GOLGA3: variants seen among roughly 807,000 people sequenced by gnomAD.
The protein encoded by GOLGA3 is golgin A3, also known as golgin subfamily A member 3.
In GOLGA3, 75 loss-of-function variants were observed where a neutral mutation model predicts 169.4. The observed-to-expected ratio is 0.44, with a 90% CI of 0.37 to 0.54. The LOEUF (loss-of-function observed/expected upper bound fraction) is 0.54, where lower values mean the gene tolerates loss of function less well. Among genes scored for constraint, GOLGA3 ranks in the 20% least tolerant of loss-of-function variants. The pLI is 0.00. For missense variants in GOLGA3, 1,899 were observed against 1,930.0 expected (o/e 0.98, Z 0.30); for synonymous variants, 824 against 822.4 (o/e 1.00, Z -0.03).
At chr12:132,789,951 T>A (rs529474454) in intron 12 of GOLGA3, among the ~76,000 whole-genome samples, 72 of 152,138 alleles carry the variant, frequency 4.7e-4, no homozygotes, top group African/African-American at 1.5e-3. Context: ...GAGAATCATT[T>A]GAACCTGGCA....
Position 132,786,401 on chromosome 12 carries a change from C to G in GOLGA3, c.3061G>C (p.Asp1021His), listed in dbSNP as rs1330596008. 2.5e-6 allele frequency: 4 copies of G among 1,612,784 alleles called. No homozygotes were observed. The highest frequency in any genetic ancestry group is 3.4e-6 in the Non-Finnish European group (4 of 1,179,538). The change falls in exon 15 of 24, where the codon GAC becomes CAC. Residue 1021 changes from aspartate (D) to histidine (H), a missense_variant. Transcript: ENST00000450791. The stretch of plus-strand genomic sequence containing the variant: ...GCTCGGAGCTGGCCCAGCTCCGCGT[C>G]CGCAGCCTCCTTGGCCGCGAGGGCC... The part of the protein sequence containing the change: ...QEALAAKEAA[D>H]AELGQLRAQG...
chr12:132,792,116 C>T (rs995475632), intron 11 of GOLGA3, among the ~76,000 whole-genome samples: 2 of 152,214 alleles, frequency 1.3e-5, no homozygotes, highest in Admixed American at 1.3e-4. Context: ...ACACTGATGG[C>T]TCCAGGAGGG....
intron 17 of GOLGA3, among the ~76,000 whole-genome samples, chr12:132,781,724 T>C (rs2045617575): frequency 1.3e-5 from 2 of 152,098 alleles, no homozygotes; most frequent in Non-Finnish European, 2.9e-5. Flanking sequence ...CCCCAGGATT[T>C]CCCTGAAATG....
rs370345372 is a variant in GOLGA3, at chr12:132,774,141, C to T, written c.4307+16G>A. The T allele has an allele frequency of 2.4e-5, 38 of 1,560,868 alleles. No homozygotes were observed. In the South Asian group the frequency reaches 2.7e-4, roughly 11 times the overall value. ...CTTTAAGACTAGCTGAAGTGCAGCACGGAATACGGTCGTACTTGAGCTGCT... is the reference window on the plus strand; with the variant it reads ...CTTTAAGACTAGCTGAAGTGCAGCATGGAATACGGTCGTACTTGAGCTGCT... On this transcript the variant is annotated intron_variant, in intron 23 of 23. Coordinates refer to ENST00000450791, the MANE Select transcript of GOLGA3 (RefSeq NM_001389683.1).
chr12:132,816,734 G>A lies in GOLGA3; in HGVS notation c.212C>T (p.Pro71Leu). 1 of 1,613,928 alleles carries A rather than the reference G, an allele frequency of 6.2e-7. No individual in the cohort carries two copies. The highest frequency in any genetic ancestry group is 2.2e-5 in the East Asian group (1 of 44,878). Reference sequence around the variant, plus strand: ...CGGAGGGTCTGGGAAGGGTGGCGTTGGCCCGTTCTGACAGAGGCCTCCCTG... The same window carrying A: ...CGGAGGGTCTGGGAAGGGTGGCGTTAGCCCGTTCTGACAGAGGCCTCCCTG... ...PGQGGLCQNGPTPPFPDPPSS... is the reference protein window; with the variant it reads ...PGQGGLCQNGLTPPFPDPPSS... The change falls in exon 3 of 24, where the codon CCA becomes CTA. Residue 71 changes from proline (P) to leucine (L), a missense_variant. Coordinates refer to ENST00000450791, the MANE Select transcript of GOLGA3 (RefSeq NM_001389683.1).
intron 9 of GOLGA3, among the ~76,000 whole-genome samples, chr12:132,797,914 C>A (rs1224499983): frequency 1.3e-5 from 2 of 152,222 alleles, no homozygotes; most frequent in East Asian, 1.9e-4. Flanking sequence ...AAAATCCTCT[C>A]ATCCCTAGGC....
intron 18 of GOLGA3, among the ~76,000 whole-genome samples, chr12:132,778,905 A>C (rs544964301): frequency 3.4e-4 from 52 of 151,130 alleles, no homozygotes; most frequent in Non-Finnish European, 6.4e-4. Flanking sequence ...AAAAAAAAAA[A>C]CCGAAAAAAA....
chr12:132,809,711 A>T (rs1308372633), intron 4 of GOLGA3, among the ~76,000 whole-genome samples: 1 of 152,030 alleles, frequency 6.6e-6, no homozygotes, highest in Admixed American at 6.5e-5. Flanking sequence ...AGCGAGGATT[A>T]TCATAATATT....
Position 132,772,108 on chromosome 12 carries a change from G to C in GOLGA3, c.*997C>G, listed in dbSNP as rs1281666555. ...TTCTGTGTAAGAATATTTGGCTTTA[G>C]AAGGTAAATAAAATAATTATATTTC... On this transcript the variant is annotated 3_prime_UTR_variant, in exon 24 of 24. Coordinates refer to ENST00000450791, the MANE Select transcript of GOLGA3 (RefSeq NM_001389683.1). The C allele has an allele frequency of 6.6e-6, 1 of 152,242 alleles. No homozygotes were observed. Among genetic ancestry groups the C allele is most frequent in the Non-Finnish European group, 1.5e-5 (1 of 68,040 alleles). 9.4% of individuals were successfully genotyped at this position (152,242 alleles called of 1,614,324 possible). A position where few individuals can be genotyped will look rare whatever the true frequency, so the allele number is the denominator to read the frequency against.
chr12:132,788,196 C>T (rs1192126222), intron 13 of GOLGA3, among the ~76,000 whole-genome samples: 3 of 152,166 alleles, frequency 2.0e-5, no homozygotes, highest in South Asian at 2.1e-4. Flanking sequence ...ATGATGGTGC[C>T]GGCCACACCG....
At position 132,821,954 on chromosome 12, in the gene GOLGA3, G is replaced by C. The variant is rs377306595; in HGVS notation, c.133+42C>G. 11 of 1,368,512 alleles carry C rather than the reference G, an allele frequency of 8.0e-6. No individual in the cohort carries two copies. In the African/African-American group the frequency reaches 9.0e-5, roughly 11 times the overall value. 84.8% of individuals were successfully genotyped at this position (1,368,512 alleles called of 1,614,324 possible). On this transcript the variant is annotated intron_variant, in intron 2 of 23. Coordinates refer to ENST00000450791, the MANE Select transcript of GOLGA3 (RefSeq NM_001389683.1). ...AACACCACGTCCTCCCTCAACACCA[G>C]GTCCTCCTGTGACCAGCACACAGAG...
chr12:132,774,593 G>C (rs2136242888), intron 22 of GOLGA3: 1 of 537,874 alleles, frequency 1.9e-6, no homozygotes, highest in Non-Finnish European at 3.3e-6. Flanking sequence ...CCGAGCCACA[G>C]ACTACAGCTC....
chr12:132,777,207 A>G lies in GOLGA3; in HGVS notation c.3723-117T>C, dbSNP rs1047184563. ...CGTCCTGGCAGGCCCTCTGCTGTGC[A>G]CTGCGTGCTGCAGCCATGCTTGGTG... On this transcript the variant is annotated intron_variant, in intron 19 of 23. Transcript: ENST00000450791. This position sits in a 1 kb window ranked among gnomAD's most constrained non-coding sequence, Gnocchi z 4.7. 1 of 1,113,402 alleles carries G rather than the reference A, an allele frequency of 9.0e-7. No individual in the cohort carries two copies. Among genetic ancestry groups the G allele is most frequent in the Admixed American group, 2.6e-5 (1 of 38,786 alleles). 69.0% of individuals were successfully genotyped at this position (1,113,402 alleles called of 1,614,324 possible). A position where few individuals can be genotyped will look rare whatever the true frequency, so the allele number is the denominator to read the frequency against.
intron 13 of GOLGA3, among the ~76,000 whole-genome samples, chr12:132,788,156 C>T (rs1488397788): frequency 2.0e-5 from 3 of 152,236 alleles, no homozygotes; most frequent in Middle Eastern, 3.4e-3. Flanking sequence ...CCGGCACCAG[C>T]GCTAATCCAT....
chr12:132,781,057 G>A, intron 17 of GOLGA3, 143 bp from the exon 18 acceptor site: 1 of 644,606 alleles, frequency 1.6e-6, no homozygotes. Flanking sequence ...AAGAATCTGT[G>A]ACAAAAACAG....
Position 132,796,207 on chromosome 12 carries a change from A to T in GOLGA3, c.2114T>A (p.Leu705Ter). 6.3e-7 allele frequency: 1 copy of T among 1,589,684 alleles called. No individual in the cohort carries two copies. Among genetic ancestry groups the T allele is most frequent in the Non-Finnish European group, 8.6e-7 (1 of 1,164,194 alleles). Reference protein sequence around the residue: ...EQQLEQVKLTLLQRDQQLEAL... With the variant: ...EQQLEQVKLT Reference sequence around the variant, plus strand: ...CTCAAGCTGCTGGTCTCGCTGGAGTAAAGTCAACTTCACCTGGAGAAGGAA... The same window carrying T: ...CTCAAGCTGCTGGTCTCGCTGGAGTTAAGTCAACTTCACCTGGAGAAGGAA... Residue 705 changes from leucine (L) to a stop codon, truncating the protein, a stop_gained, in exon 11 of 24, where the codon TTA becomes TAA. Coordinates refer to ENST00000450791, the MANE Select transcript of GOLGA3 (RefSeq NM_001389683.1). LOFTEE classifies it high-confidence loss of function.
rs560940021 is a variant in GOLGA3, at chr12:132,819,255, C to T, written c.134-2443G>A. On this transcript the variant is annotated intron_variant, in intron 2 of 23. Coordinates refer to ENST00000450791, the MANE Select transcript of GOLGA3 (RefSeq NM_001389683.1). ...ATTAAAAATGAGTTTCTTAGCCGGGCGCGGTGGCTCACGCCTGTAATCCCA... is the reference window on the plus strand; with the variant it reads ...ATTAAAAATGAGTTTCTTAGCCGGGTGCGGTGGCTCACGCCTGTAATCCCA... Among the ~76,000 whole-genome samples the T allele has an allele frequency of 2.6e-4, 39 of 152,286 alleles. No individual in the cohort carries two copies. The South Asian group carries it at 7.0e-3, about 28-fold the overall frequency.
chr12:132,816,525 G>C lies in GOLGA3; in HGVS notation c.406+15C>G. On this transcript the variant is annotated intron_variant, in intron 3 of 23. Coordinates refer to ENST00000450791, the MANE Select transcript of GOLGA3 (RefSeq NM_001389683.1). ...GGACGTGGAGGGTGGGAAAAGCGGG[G>C]TAACGGATGCTTACACAGTTGCGTT... 1 of 1,607,932 alleles carries C rather than the reference G, an allele frequency of 6.2e-7. No individual in the cohort carries two copies. Among genetic ancestry groups the C allele is most frequent in the Non-Finnish European group, 8.5e-7 (1 of 1,175,252 alleles).
chr12:132,826,798 G>A (rs928382774), intron 1 of GOLGA3, among the ~76,000 whole-genome samples: 20 of 152,174 alleles, frequency 1.3e-4, no homozygotes, highest in African/African-American at 4.3e-4. Context: ...TGACTCAGTC[G>A]TCAGGGCCTC....
Sources: allele counts gnomAD v4.1 joint callset (sites outside exome capture counted in the v4.1 genomes callset), GRCh38; gene constraint gnomAD v4.1.1; non-coding constraint Gnocchi (gnomAD v3.1); transcripts MANE v1.5; gene names NCBI Gene and HGNC (gene_info 2026-07-23, HGNC 2026-07-21).